The following IGSF22 variants were observed in gnomAD, a reference collection of about 807,000 sequenced individuals.
The protein encoded by IGSF22 is immunoglobulin superfamily, member 22.
In IGSF22, 119 loss-of-function variants were observed where a neutral mutation model predicts 127.0. The observed-to-expected ratio is 0.94, with a 90% CI of 0.81 to 1.09. The LOEUF is 1.09. IGSF22 is among the 50% of genes least tolerant of loss of function. The pLI, the probability that IGSF22 is intolerant of heterozygous loss-of-function variation, is 0.00. For missense variants in IGSF22, 1,518 were observed against 1,716.6 expected, an observed-to-expected ratio of 0.88 and a Z score of 2.04; for synonymous variants, 568 against 664.7, an observed-to-expected ratio of 0.85 and a Z score of 2.24.
chr11:18,724,361 G>A, intron 1 of IGSF22, 92 bp from the exon 2 acceptor site: 1 of 656,300 alleles, frequency 1.5e-6, no homozygotes, highest in Non-Finnish European at 2.7e-6. Flanking sequence ...AAGAGGAGAT[G>A]GAAGCACACA....
chr11:18,720,724 T>C (rs1848556143), intron 4 of IGSF22, among the ~76,000 whole-genome samples: 1 of 152,236 alleles, frequency 6.6e-6, no homozygotes, highest in African/African-American at 2.4e-5. Flanking sequence ...AGAAGCCTGC[T>C]AGGCTCTCAG....
In IGSF22 at chr11:18,721,983, C is replaced by T. The variant is rs200291832; in HGVS notation, c.168G>A (p.Arg56=). 22 of 1,613,918 alleles carry T rather than the reference C, an allele frequency of 1.4e-5. No individual in the cohort carries two copies. In the East Asian group the frequency reaches 4.9e-4, roughly 36 times the overall value. The change falls in exon 3 of 23, where the codon CGG becomes CGA. Residue 56 remains arginine (R), a synonymous_variant. Coordinates refer to ENST00000513874, the MANE Select transcript of IGSF22 (RefSeq NM_173588.4). ...SIVEFFSLVT[R]SSNIPAGDSV... ...TGTCGCCCGCAGGGATGTTTGAGCTCCGGGTCACTAAGCTGAAGAACTCCA... is the reference window on the plus strand; with the variant it reads ...TGTCGCCCGCAGGGATGTTTGAGCTTCGGGTCACTAAGCTGAAGAACTCCA...
intron 9 of IGSF22, 98 bp from the exon 10 acceptor site, chr11:18,717,098 C>T: frequency 7.3e-7 from 1 of 1,373,140 alleles, no homozygotes; most frequent in Non-Finnish European, 1.0e-6. Context: ...TCCTGTAGCC[C>T]ATGGCTGGGG....
At position 18,719,764 on chromosome 11, in the gene IGSF22, C is replaced by T. The variant is rs372328313; in HGVS notation, c.648G>A (p.Arg216=). Residue 216 remains arginine (R), a synonymous_variant, in exon 7 of 23, where the codon CGG becomes CGA. Transcript: ENST00000513874. ...TCTCTTTGAGCTTCCTGAGCAGCCC[C>T]CGAAAGTCGGTGAAACCATACTCCA... The part of the protein sequence containing the change: ...VCMEYGFTDF[R]GLLRKLKEMK... 7.2e-5 allele frequency: 116 copies of T among 1,614,076 alleles called. No individual in the cohort carries two copies. The highest frequency in any genetic ancestry group is 9.5e-5 in the Non-Finnish European group (112 of 1,180,058).
Position 18,709,779 on chromosome 11 carries a change from C to T in IGSF22, c.2702-96G>A, listed in dbSNP as rs912150636. ...CTCAATACTCCTGAACCCCATCCTT[C>T]ACTACTTCTAGCTCCAGATCCCTCA... On this transcript the variant is annotated intron_variant, in intron 17 of 22. Coordinates refer to ENST00000513874, the MANE Select transcript of IGSF22 (RefSeq NM_173588.4). This position sits in a 1 kb window ranked among gnomAD's most constrained non-coding sequence, Gnocchi z 4.8. 28 of 1,265,332 alleles carry T rather than the reference C, an allele frequency of 2.2e-5. No homozygotes were observed. Among genetic ancestry groups the T allele is most frequent in the Non-Finnish European group, 2.8e-5 (26 of 915,024 alleles). The allele number at this position is 1,265,332 out of a possible 1,614,324, so 78.4% of individuals were successfully genotyped here.
At position 18,713,836 on chromosome 11, in the gene IGSF22, C is replaced by G; in HGVS notation, c.2095+16G>C. ...TGCCCTCAGCTCAGCCCAGCCCGGACTGGCCCTGCCCTGACCCAGCACACT... is the reference window on the plus strand; with the variant it reads ...TGCCCTCAGCTCAGCCCAGCCCGGAGTGGCCCTGCCCTGACCCAGCACACT... On this transcript the variant is annotated intron_variant, in intron 14 of 22. Transcript: ENST00000513874. The G allele has an allele frequency of 2.5e-6, 4 of 1,595,262 alleles. No individual in the cohort carries two copies. Among genetic ancestry groups the G allele is most frequent in the Non-Finnish European group, 3.4e-6 (4 of 1,169,234 alleles).
intron 14 of IGSF22, 137 bp downstream of exon 14, chr11:18,713,715 C>CT: frequency 1.4e-6 from 1 of 723,546 alleles, no homozygotes; most frequent in South Asian, 1.9e-5. Flanking sequence ...CTTCTGGCTG[C>CT]AAAGCCAGCC....
Position 18,707,168 on chromosome 11 carries a change from G to A in IGSF22, c.3326C>T (p.Pro1109Leu), listed in dbSNP as rs1848254677. The change falls in exon 21 of 23, where the codon CCC becomes CTC. Residue 1109 changes from proline (P) to leucine (L), a missense_variant. Physicochemically the swap from Pro to Leu is moderately conservative, Grantham distance 98. Around this residue, in one of 3 missense-constraint regions of IGSF22, gnomAD observed 1,456 missense variants for 1,644.9 expected, o/e 0.89. Transcript: ENST00000513874. ...PTNLRLFEEV[P>L]NTVTLTWNHS... ...GTTCCAGGTCAGAGTCACTGTGTTG[G>A]GGACTTCCTCAAACAACCGTAGGTT... 1 of 1,548,758 alleles carries A rather than the reference G, an allele frequency of 6.5e-7. No homozygotes were observed. Among genetic ancestry groups the A allele is most frequent in the Non-Finnish European group, 8.7e-7 (1 of 1,145,428 alleles).
chr11:18,715,764 T>A (rs1297319781), intron 10 of IGSF22, 48 bp from the exon 11 acceptor site: 1 of 1,567,476 alleles, frequency 6.4e-7, no homozygotes, highest in Non-Finnish European at 8.6e-7. Flanking sequence ...ACGACATCTT[T>A]TTTCTGCAGC....
chr11:18,716,690 A>G lies in IGSF22; in HGVS notation c.1246+38T>C, dbSNP rs561856376. ...CTACCTGCATGGAGGTTGCTGTGCCATAAAGCCCACCCCTTAGGCTCTTGC... is the reference window on the plus strand; with the variant it reads ...CTACCTGCATGGAGGTTGCTGTGCCGTAAAGCCCACCCCTTAGGCTCTTGC... On this transcript the variant is annotated intron_variant, in intron 10 of 22. Coordinates refer to ENST00000513874, the MANE Select transcript of IGSF22 (RefSeq NM_173588.4). This position sits in a 1 kb window ranked among gnomAD's most constrained non-coding sequence, Gnocchi z 4.5. 8 of 1,602,432 alleles carry G rather than the reference A, an allele frequency of 5.0e-6. No homozygotes were observed. The East Asian group carries it at 1.3e-4, about 27-fold the overall frequency.
chr11:18,713,955 C>A lies in IGSF22; in HGVS notation c.1992G>T (p.Leu664=). The change falls in exon 14 of 23, where the codon CTG becomes CTT. Residue 664 remains leucine (L), a synonymous_variant. Transcript: ENST00000513874. ...CACGCACACAGTTGGAGATGGTGAG[C>A]AGTGCCTGGTCTTCCCCGCGCTCCA... ...VSMERGEDQA[L]LTISNCVRED... 1 of 1,614,272 alleles carries A rather than the reference C, an allele frequency of 6.2e-7. No individual in the cohort carries two copies. The highest frequency in any genetic ancestry group is 8.5e-7 in the Non-Finnish European group (1 of 1,180,042).
At chr11:18,708,511 G>A (rs545837879) in intron 18 of IGSF22, among the ~76,000 whole-genome samples, 3 of 152,306 alleles carry the variant, frequency 2.0e-5, no homozygotes, top group African/African-American at 7.2e-5. Flanking sequence ...GCAAGTCCTT[G>A]TGTCTTGTTT....
rs1848537805 is a variant in IGSF22 at position 18,719,892 on chromosome 11, C to T, written c.520G>A (p.Ala174Thr). The T allele has an allele frequency of 6.2e-7, 1 of 1,613,996 alleles. No individual in the cohort carries two copies. The highest frequency in any genetic ancestry group is 8.5e-7 in the Non-Finnish European group (1 of 1,179,980). The change falls in exon 7 of 23, where the codon GCA becomes ACA. Residue 174 changes from alanine to threonine, a missense_variant and splice_region_variant. By Grantham distance (58) the Ala-to-Thr change is moderately conservative. Coordinates refer to ENST00000513874, the MANE Select transcript of IGSF22 (RefSeq NM_173588.4). ...TGCTTCTTCTTGGGAGCAGGGGGTG[C>T]CCTAGGAGAAGGAGGAAGGGACTAA... ...MDFKKMLKKR[A>T]PPAPKKKQKK...
At chr11:18,706,449 C>T in intron 21 of IGSF22, 2 of 471,216 alleles carry the variant, frequency 4.2e-6, no homozygotes, top group South Asian at 3.1e-5. Context: ...TATTCCCAGC[C>T]TTTAACTCCG....
rs200291832 is a variant in IGSF22 at position 18,721,983 on chromosome 11, C to G, written c.168G>C (p.Arg56=). Residue 56 remains arginine, a synonymous_variant, in exon 3 of 23, where the codon CGG becomes CGC. Transcript: ENST00000513874. ...TGTCGCCCGCAGGGATGTTTGAGCT[C>G]CGGGTCACTAAGCTGAAGAACTCCA... ...SIVEFFSLVT[R]SSNIPAGDSV... 241 of 1,614,036 alleles carry G rather than the reference C, an allele frequency of 1.5e-4. No homozygotes were observed. Among genetic ancestry groups the G allele is most frequent in the Non-Finnish European group, 2.0e-4 (237 of 1,180,016 alleles).
Position 18,714,506 on chromosome 11 carries a change from G to T in IGSF22, c.1650C>A (p.Gly550=). The stretch of plus-strand genomic sequence containing the variant: ...CCTGGCCTCTGCTTCAGACCTCCTT[G>T]CCATCCTTCAGCCACACACCCTCCA... The part of the protein sequence containing the change: ...EKVEGVWLKD[G]KEITDLPGMQ... Residue 550 remains glycine (G), a synonymous_variant, in exon 12 of 23, where the codon GGC becomes GGA. Transcript: ENST00000513874. 6.2e-7 allele frequency: 1 copy of T among 1,614,142 alleles called. No homozygotes were observed. The highest frequency in any genetic ancestry group is 8.5e-7 in the Non-Finnish European group (1 of 1,180,020).
At chr11:18,724,947 C>A (rs1361789214) in intron 1 of IGSF22, among the ~76,000 whole-genome samples, 1 of 152,050 alleles carries the variant, frequency 6.6e-6, no homozygotes, top group Non-Finnish European at 1.5e-5. Flanking sequence ...AGTCTCTAGG[C>A]TCCTTCTAGA....
At chr11:18,710,281 T>C (rs1296686903) in intron 17 of IGSF22, 46 bp downstream of exon 17, 1 of 1,598,230 alleles carries the variant, frequency 6.3e-7, no homozygotes, top group South Asian at 1.1e-5. Flanking sequence ...CTACTTTGAA[T>C]GGGCTAATTC....
Position 18,714,144 on chromosome 11 carries a change from A to C in IGSF22, c.1803T>G (p.Pro601=). The C allele has an allele frequency of 6.2e-7, 1 of 1,609,628 alleles. No homozygotes were observed. The highest frequency in any genetic ancestry group is 1.1e-5 in the South Asian group (1 of 90,762). ...ESEASVFIAD[P]PTIDPSVLEA... ...CCAGTACTGACGGGTCGATGGTAGG[A>C]GGATCTGTGGGGCGGGGCGGCAGGG... The change falls in exon 14 of 23, where the codon CCT becomes CCG. Residue 601 remains proline (P), a synonymous_variant. Coordinates refer to ENST00000513874, the MANE Select transcript of IGSF22 (RefSeq NM_173588.4).
Sources: gnomAD v4.1 joint callset for allele counts (sites outside exome capture counted in the v4.1 genomes callset) on GRCh38, gnomAD v4.1.1 for gene constraint, gnomAD v4.1.1 regional missense constraint, Gnocchi (gnomAD v3.1) non-coding constraint, MANE v1.5 for transcripts, NCBI Gene and HGNC (gene_info 2026-07-23, HGNC 2026-07-21) for gene names.